SNTG1: variants seen among roughly 807,000 people sequenced by gnomAD.
The protein encoded by SNTG1 is syntrophin gamma 1.
Under a neutral mutation model 74.7 loss-of-function variants are expected in SNTG1, and 39 were observed. The observed-to-expected ratio is 0.52, with a 90% CI of 0.40 to 0.68. The LOEUF is 0.68. SNTG1 is among the 30% of genes least tolerant of loss of function. The pLI, the probability that SNTG1 is intolerant of heterozygous loss-of-function variation, is 0.00. For synonymous variants in SNTG1, 254 were observed against 217.1 expected, an observed-to-expected ratio of 1.17 and a Z score of -1.49; for missense variants, 685 against 609.5, an observed-to-expected ratio of 1.12 and a Z score of -1.30.
chr8:50,618,830 T>C (rs1319780986), intron 13 of SNTG1, among the ~76,000 whole-genome samples: 4 of 152,138 alleles, frequency 2.6e-5, no homozygotes, highest in Non-Finnish European at 5.9e-5. Context: ...TGTTTGCTTT[T>C]CAAGGCCAGC....
At chr8:50,636,033 T>G (rs1043514091) in intron 13 of SNTG1, among the ~76,000 whole-genome samples, 1 of 151,714 alleles carries the variant, frequency 6.6e-6, no homozygotes, top group South Asian at 2.1e-4. Flanking sequence ...CTATTTCTCT[T>G]TAATGCAGCA....
intron 1 of SNTG1, among the ~76,000 whole-genome samples, chr8:49,983,573 T>TA (rs1273429571): frequency 6.6e-6 from 1 of 152,204 alleles, no homozygotes; most frequent in Admixed American, 6.5e-5. Context: ...ATAATATGTA[T>TA]AAGAGCACTG....
At chr8:50,410,037 CCCACGAGTGAAA>C (rs1294835844) in intron 4 of SNTG1, among the ~76,000 whole-genome samples, 2 of 152,320 alleles carry the variant, frequency 1.3e-5, no homozygotes, top group Admixed American at 1.3e-4. Flanking sequence ...AATTAGCAAT[CCCACGAGTGAAA>C]CCACAATTTC....
chr8:50,111,271 C>T (rs2080576355), intron 1 of SNTG1, among the ~76,000 whole-genome samples: 1 of 152,086 alleles, frequency 6.6e-6, no homozygotes, highest in Non-Finnish European at 1.5e-5. Context: ...GCTCTACCCC[C>T]CCAATATAAT....
intron 15 of SNTG1, among the ~76,000 whole-genome samples, chr8:50,682,255 G>A (rs2095334201): frequency 6.6e-6 from 1 of 152,086 alleles, no homozygotes; most frequent in Non-Finnish European, 1.5e-5. Context: ...ATTGGCTAGG[G>A]TTGGACCCCA....
intron 12 of SNTG1, among the ~76,000 whole-genome samples, chr8:50,555,240 AGTTATGTATTTCTTCTTTCACCTCCT>A: frequency 6.6e-6 from 1 of 152,306 alleles, no homozygotes; most frequent in East Asian, 1.9e-4. Flanking sequence ...GCATATTAAA[AGTTATGTATTTCTTCTTTCACCTCCT>A]GTTTCTATAT....
At chr8:50,665,429 C>T (rs939255342) in intron 15 of SNTG1, among the ~76,000 whole-genome samples, 9 of 151,090 alleles carry the variant, frequency 6.0e-5, no homozygotes, top group East Asian at 1.9e-4. Context: ...TGTGTGTGTG[C>T]ATGCATGTAT....
intron 12 of SNTG1, among the ~76,000 whole-genome samples, chr8:50,585,593 T>G (rs1028997523): frequency 3.3e-5 from 5 of 152,154 alleles, no homozygotes; most frequent in African/African-American, 7.2e-5. Flanking sequence ...TGCAGAGAAT[T>G]TAGAATTTTC....
At chr8:49,978,535 C>T (rs1812392663) in intron 1 of SNTG1, among the ~76,000 whole-genome samples, 1 of 152,062 alleles carries the variant, frequency 6.6e-6, no homozygotes, top group African/African-American at 2.4e-5. Flanking sequence ...TCTGAAGTGT[C>T]TTTGTACCTG....
chr8:50,245,528 C>T (rs1479162050), intron 2 of SNTG1, among the ~76,000 whole-genome samples: 1 of 151,842 alleles, frequency 6.6e-6, no homozygotes, highest in South Asian at 2.1e-4. Context: ...ACTAAAAATA[C>T]AAAAATTAGC....
At chr8:50,184,212 C>A (rs760917689) in intron 2 of SNTG1, among the ~76,000 whole-genome samples, 4 of 152,120 alleles carry the variant, frequency 2.6e-5, no homozygotes, top group Non-Finnish European at 5.9e-5. Flanking sequence ...GTCGCCCAGG[C>A]TGGACTTCAG....
intron 2 of SNTG1, among the ~76,000 whole-genome samples, chr8:50,255,878 T>C (rs1226371267): frequency 6.6e-6 from 1 of 151,358 alleles, no homozygotes; most frequent in African/African-American, 2.4e-5. Context: ...TGTAACATCA[T>C]GTCACTTGAC....
rs113184631 is a variant in SNTG1, at chr8:50,053,438, T to C, written c.-102-119123T>C. On this transcript the variant is annotated intron_variant, in intron 1 of 18. Coordinates refer to ENST00000642720, the MANE Select transcript of SNTG1 (RefSeq NM_018967.5). ...GGTTTCCAGGGATTAGGGAGAGGAATGATTAGGGAATGATATTTTTCTTTG... is the reference window on the plus strand; with the variant it reads ...GGTTTCCAGGGATTAGGGAGAGGAACGATTAGGGAATGATATTTTTCTTTG... Among the ~76,000 whole-genome samples, 153 of 152,032 alleles carry C rather than the reference T, an allele frequency of 1.0e-3. 2 individuals are homozygous for C. The highest frequency in any genetic ancestry group is 3.4e-3 in the African/African-American group (142 of 41,490).
At chr8:50,128,808 T>C (rs2081226211) in intron 1 of SNTG1, among the ~76,000 whole-genome samples, 1 of 152,078 alleles carries the variant, frequency 6.6e-6, no homozygotes, top group African/African-American at 2.4e-5. Context: ...GAAAATTATC[T>C]ATATGCTCAC....
intron 2 of SNTG1, among the ~76,000 whole-genome samples, chr8:50,371,924 A>G (rs938565122): frequency 6.6e-6 from 1 of 152,172 alleles, no homozygotes; most frequent in African/African-American, 2.4e-5. Flanking sequence ...TATATCAAAA[A>G]ATAAATCTCC....
At chr8:50,145,936 G>T (rs1047742407) in intron 1 of SNTG1, among the ~76,000 whole-genome samples, 1 of 150,106 alleles carries the variant, frequency 6.7e-6, no homozygotes. Context: ...AACTATCTTT[G>T]TATCATGTAC....
chr8:50,120,169 T>C (rs766728387), intron 1 of SNTG1, among the ~76,000 whole-genome samples: 2 of 141,576 alleles, frequency 1.4e-5, no homozygotes, highest in African/African-American at 2.6e-5. Flanking sequence ...TTTTGGGTTA[T>C]TGTAAGGAAA....
chr8:50,309,670 G>A (rs1301650290), intron 2 of SNTG1, among the ~76,000 whole-genome samples: 2 of 152,146 alleles, frequency 1.3e-5, no homozygotes, highest in East Asian at 3.9e-4. Flanking sequence ...TATCTTAGTA[G>A]CGGTTTAGGT....
intron 3 of SNTG1, among the ~76,000 whole-genome samples, chr8:50,395,515 T>G (rs943752300): frequency 6.7e-6 from 1 of 149,710 alleles, no homozygotes; most frequent in African/African-American, 2.4e-5. Flanking sequence ...TGTTTTTTTT[T>G]TTTTTTTTAA....
Sources: allele counts gnomAD v4.1 joint callset (sites outside exome capture counted in the v4.1 genomes callset), GRCh38; gene constraint gnomAD v4.1.1; transcripts MANE v1.5; gene names NCBI Gene and HGNC (gene_info 2026-07-23, HGNC 2026-07-21).